The following LCTL variants were observed in gnomAD, a reference collection of about 807,000 sequenced individuals.
LCTL encodes lactase-like protein.
A neutral mutation model predicts 75.8 loss-of-function variants in LCTL; 76 were observed. That is an observed-to-expected ratio of 1.00 (90% CI 0.83 to 1.21). The LOEUF (loss-of-function observed/expected upper bound fraction) is 1.21, where lower values mean the gene tolerates loss of function less well. Ranked by LOEUF, LCTL falls within the 50% of genes most tolerant of loss-of-function variation. The pLI, the probability that LCTL is intolerant of heterozygous loss-of-function variation, is 0.00. For synonymous variants in LCTL, 271 were observed against 268.8 expected, an observed-to-expected ratio of 1.01 and a Z score of -0.08; for missense variants, 670 against 712.4, an observed-to-expected ratio of 0.94 and a Z score of 0.68.
At chr15:66,549,956 G>T in intron 12 of LCTL, 85 bp downstream of exon 13, 1 of 874,212 alleles carries the variant, frequency 1.1e-6, no homozygotes, top group Non-Finnish European at 1.7e-6. Flanking sequence ...ACTTCAAGTA[G>T]AGCCACATTT....
intron 11 of LCTL, 94 bp downstream of exon 12, chr15:66,551,568 G>A: frequency 1.0e-6 from 1 of 980,938 alleles, no homozygotes; most frequent in South Asian, 1.5e-5. Flanking sequence ...TTTCATGGAG[G>A]AAAGAGAAGA....
intron 4 of LCTL, 73 bp from the exon 6 acceptor site, chr15:66,561,388 A>G: frequency 6.4e-7 from 1 of 1,567,246 alleles, no homozygotes. Context: ...AAGCTGTGTG[A>G]CAGTCCTCAG....
exon 8 of LCTL, chr15:66,557,746 G>T: frequency 6.2e-7 from 1 of 1,614,064 alleles, no homozygotes; most frequent in Non-Finnish European, 8.5e-7. Context: ...ATGACTTGGG[G>T]GTAGTCACCG....
intron 2 of LCTL, 193 bp downstream of exon 3, chr15:66,564,483 G>A (rs1895971452): frequency 3.3e-6 from 2 of 602,084 alleles, no homozygotes; most frequent in Non-Finnish European, 2.8e-6. Context: ...TCACATCCTG[G>A]CCCCTCCCAA....
At position 66,563,654 on chromosome 15, in the gene LCTL, C is replaced by G. The variant is rs757600867; in HGVS notation, c.371-29G>C. 5.9e-6 allele frequency: 9 copies of G among 1,514,128 alleles called. No homozygotes were observed. The Admixed American group carries it at 1.2e-4, about 20-fold the overall frequency. The allele number at this position is 1,514,128 out of a possible 1,614,324, so 93.8% of individuals were successfully genotyped here. A position where few individuals can be genotyped will look rare whatever the true frequency, so the allele number is the denominator to read the frequency against. On this transcript the variant is annotated intron_variant, in intron 3 of 12. Transcript: ENST00000341509. ...CAGGTGAAATAAAAGAAGATGCTAC[C>G]AGAAAGGACCTCGGCCTTGGCCTTG...
At position 66,548,589 on chromosome 15, in the gene LCTL, G is replaced by A. The variant is rs1233247348; in HGVS notation, c.1605C>T (p.His535=). 7.5e-6 allele frequency: 12 copies of A among 1,604,302 alleles called. No individual in the cohort carries two copies. In the East Asian group the frequency reaches 8.9e-5, roughly 12 times the overall value. ...CCACGATCTCCGTAACCATTTGCATGTGACTTAGCAAGGGCTCTGAAATGA... is the reference window on the plus strand; with the variant it reads ...CCACGATCTCCGTAACCATTTGCATATGACTTAGCAAGGGCTCTGAAATGA... The change falls in exon 13 of 13, where the codon CAC becomes CAT. Residue 535 remains histidine (H), a synonymous_variant. Transcript: ENST00000341509.
In LCTL at chr15:66,552,956, C is replaced by T. The variant is rs369921565; in HGVS notation, c.1197+28G>A. The T allele has an allele frequency of 5.6e-6, 8 of 1,427,618 alleles. No individual in the cohort carries two copies. The African/African-American group carries it at 1.2e-4, about 21-fold the overall frequency. 88.4% of individuals were successfully genotyped at this position (1,427,618 alleles called of 1,614,324 possible). A position where few individuals can be genotyped will look rare whatever the true frequency, so the allele number is the denominator to read the frequency against. On this transcript the variant is annotated intron_variant, in intron 9 of 12. Transcript: ENST00000341509. ...AGAACATGAATTCAAGTCTAAATGT[C>T]CTTTGAATAGCTGAATGTGATAATC...
At chr15:66,558,871 C>T (rs1196835149) in intron 6 of LCTL, among the ~76,000 whole-genome samples, 3 of 149,170 alleles carry the variant, frequency 2.0e-5, no homozygotes, top group African/African-American at 7.4e-5. Context: ...AATTTTTGTA[C>T]TTTTAGTAGA....
chr15:66,548,587 A>C (rs1198071053), exon 13 of LCTL: 6 of 1,606,768 alleles, frequency 3.7e-6, no homozygotes, highest in Non-Finnish European at 5.1e-6. Flanking sequence ...AACCATTTGC[A>C]TGTGACTTAG....
intron 8 of LCTL, among the ~76,000 whole-genome samples, chr15:66,557,454 G>A (rs2140843785): frequency 6.6e-6 from 1 of 152,180 alleles, no homozygotes; most frequent in Non-Finnish European, 1.5e-5. Flanking sequence ...GGGCAGGGAA[G>A]CAGAACATAA....
chr15:66,563,804 T>G, intron 3 of LCTL, 107 bp downstream of exon 4: 7 of 951,610 alleles, frequency 7.4e-6, no homozygotes, highest in Non-Finnish European at 1.2e-5. Flanking sequence ...CGTCAGCAAC[T>G]ACGTTCATGG....
chr15:66,563,458 G>A, intron 4 of LCTL, 58 bp downstream of exon 5: 2 of 1,223,236 alleles, frequency 1.6e-6, no homozygotes, highest in Non-Finnish European at 2.4e-6. Context: ...CCTCAAACTG[G>A]GCTCCCTCCT....
At chr15:66,563,466 C>G (rs758902139) in intron 4 of LCTL, 50 bp downstream of exon 5, 1 of 1,349,362 alleles carries the variant, frequency 7.4e-7, no homozygotes, top group Non-Finnish European at 1.1e-6. Context: ...TGGGCTCCCT[C>G]CTGCTTAGTT....
chr15:66,563,234 A>G (rs1033027405), intron 4 of LCTL, among the ~76,000 whole-genome samples: 1 of 151,790 alleles, frequency 6.6e-6, no homozygotes. Flanking sequence ...CAGAGTCTGC[A>G]CCTGCCAGTG....
chr15:66,554,855 A>G (rs1274095560), intron 8 of LCTL, among the ~76,000 whole-genome samples: 1 of 152,212 alleles, frequency 6.6e-6, no homozygotes, highest in Non-Finnish European at 1.5e-5. Flanking sequence ...TCATAAGCAC[A>G]TACACTGACC....
At chr15:66,559,597 A>C (rs1895831580) in intron 6 of LCTL, among the ~76,000 whole-genome samples, 3 of 151,990 alleles carry the variant, frequency 2.0e-5, no homozygotes, top group African/African-American at 4.8e-5. Flanking sequence ...AATCCCAGCT[A>C]CTCAGGAAGC....
chr15:66,555,584 A>G (rs1895722155), intron 8 of LCTL, among the ~76,000 whole-genome samples: 1 of 152,136 alleles, frequency 6.6e-6, no homozygotes, highest in African/African-American at 2.4e-5. Flanking sequence ...ACATAGAGCA[A>G]AAGCACCGTG....
exon 13 of LCTL, chr15:66,548,527 G>C (rs1402727445): frequency 2.5e-6 from 4 of 1,612,708 alleles, no homozygotes; most frequent in Admixed American, 3.3e-5. Context: ...TAGTAGAACA[G>C]CAGTGATGAG....
At chr15:66,551,215 C>T (rs1189095627) in intron 11 of LCTL, among the ~76,000 whole-genome samples, 4 of 151,652 alleles carry the variant, frequency 2.6e-5, no homozygotes, top group Admixed American at 6.6e-5. Context: ...GGCGTGGTGG[C>T]ATGCCCCTGT....
Sources: gnomAD v4.1 joint callset for allele counts (sites outside exome capture counted in the v4.1 genomes callset) on GRCh38, gnomAD v4.1.1 for gene constraint, MANE v1.5 for transcripts, NCBI Gene and HGNC (gene_info 2026-07-23, HGNC 2026-07-21) for gene names.